The following SIN3A variants were observed in gnomAD, a reference collection of about 807,000 sequenced individuals.
SIN3A encodes SIN3 transcription regulator family member A.
SIN3A carries 14 observed loss-of-function variants against 146.1 expected under a neutral mutation model. The ratio of observed to expected loss-of-function variants is 0.10; its 90% confidence interval spans 0.06 to 0.15. The LOEUF (loss-of-function observed/expected upper bound fraction) is 0.15. Ranked by LOEUF, SIN3A falls within the 10% of genes least tolerant of loss-of-function variation. SIN3A has a pLI of 1.00. For missense variants in SIN3A, 1,028 were observed against 1,576.0 expected, an observed-to-expected ratio of 0.65 and a Z score of 5.89; for synonymous variants, 572 against 572.0, an observed-to-expected ratio of 1.00 and a Z score of 0.00.
chr15:75,393,059 G>A (rs1398547807), intron 14 of SIN3A, among the ~76,000 whole-genome samples: 4 of 152,086 alleles, frequency 2.6e-5, no homozygotes, highest in African/African-American at 7.2e-5. Flanking sequence ...GTGAAACCCC[G>A]CCTCTACTAA....
intron 1 of SIN3A, among the ~76,000 whole-genome samples, chr15:75,444,497 T>A (rs992337765): frequency 4.0e-5 from 6 of 151,760 alleles, no homozygotes; most frequent in African/African-American, 1.5e-4. Context: ...AGACCTCCAA[T>A]AAATAAAAGT....
At chr15:75,417,783 C>T (rs577650007) in intron 3 of SIN3A, among the ~76,000 whole-genome samples, 2 of 152,252 alleles carry the variant, frequency 1.3e-5, no homozygotes, top group African/African-American at 4.8e-5. Flanking sequence ...ATTCTTACAT[C>T]GAAACTTAAT....
intron 16 of SIN3A, chr15:75,388,185 A>C (rs1805745583): frequency 1.3e-5 from 2 of 152,216 alleles, no homozygotes; most frequent in South Asian, 2.1e-4. Context: ...GCTTTTTACA[A>C]GTTTTCACTT....
At chr15:75,407,169 T>C (rs758367964) in intron 8 of SIN3A, 25 bp from the exon 9 acceptor site, 1 of 1,500,142 alleles carries the variant, frequency 6.7e-7, no homozygotes, top group Non-Finnish European at 9.3e-7. Flanking sequence ...TACAAACATG[T>C]GAGATTCAAC....
At chr15:75,409,799 G>C (rs772792736) in intron 8 of SIN3A, 37 bp downstream of exon 8, 6 of 1,602,160 alleles carry the variant, frequency 3.7e-6, no homozygotes, top group African/African-American at 2.7e-5. Context: ...AGAAATACTT[G>C]TGAGTGTCAA....
chr15:75,444,276 A>G (rs1282831895), intron 1 of SIN3A, among the ~76,000 whole-genome samples: 1 of 152,072 alleles, frequency 6.6e-6, no homozygotes, highest in African/African-American at 2.4e-5. Context: ...CCCCATTTCT[A>G]CTAAAAATAC....
At chr15:75,379,782 A>C (rs1443281598) in intron 19 of SIN3A, among the ~76,000 whole-genome samples, 3 of 152,214 alleles carry the variant, frequency 2.0e-5, no homozygotes, top group Non-Finnish European at 4.4e-5. Context: ...TATACTTCTT[A>C]AACTGTTTTC....
At chr15:75,387,596 A>G (rs1207287408) in intron 16 of SIN3A, among the ~76,000 whole-genome samples, 1 of 150,104 alleles carries the variant, frequency 6.7e-6, no homozygotes, top group Admixed American at 6.7e-5. Flanking sequence ...GTGGGTGGAG[A>G]TAGTATTTAT....
chr15:75,410,772 G>A (rs1007259293), intron 6 of SIN3A, among the ~76,000 whole-genome samples: 2 of 151,912 alleles, frequency 1.3e-5, no homozygotes, highest in Non-Finnish European at 2.9e-5. Context: ...GACTGAGGCC[G>A]GGCACGGTGG....
At chr15:75,415,473 G>T in intron 3 of SIN3A, 1 of 201,148 alleles carries the variant, frequency 5.0e-6, no homozygotes. Flanking sequence ...TGCTAAAGGA[G>T]ATAGAGCCAA....
At chr15:75,453,053 GGA>G (rs1466606352), upstream of SIN3A, 2 of 152,388 alleles carry the variant, frequency 1.3e-5, no homozygotes, top group African/African-American at 2.4e-5. Flanking sequence ...CTCAGCGCCA[GGA>G]GAGGTGACGG....
chr15:75,442,704 TG>T (rs1426923931), intron 1 of SIN3A, among the ~76,000 whole-genome samples: 1 of 147,318 alleles, frequency 6.8e-6, no homozygotes, highest in African/African-American at 2.5e-5. Flanking sequence ...CCAAGGCAGG[TG>T]GATCACCTGA....
intron 14 of SIN3A, among the ~76,000 whole-genome samples, chr15:75,393,670 C>T (rs1567337208): frequency 6.6e-6 from 1 of 151,942 alleles, no homozygotes; most frequent in African/African-American, 2.4e-5. Context: ...CCACTGTGCC[C>T]AGTGGGACTA....
intron 12 of SIN3A, 136 bp downstream of exon 12, chr15:75,399,904 T>G: frequency 1.5e-6 from 1 of 645,644 alleles, no homozygotes; most frequent in Non-Finnish European, 2.8e-6. Context: ...GCATGGAAAG[T>G]ACCACAACAA....
At chr15:75,440,591 T>C (rs867131339) in intron 1 of SIN3A, among the ~76,000 whole-genome samples, 1 of 152,082 alleles carries the variant, frequency 6.6e-6, no homozygotes, top group African/African-American at 2.4e-5. Context: ...GATATAAATA[T>C]CCAAAATGTG....
At chr15:75,380,586 C>T (rs2072945645) in intron 19 of SIN3A, 43 bp downstream of exon 19, 1 of 1,384,682 alleles carries the variant, frequency 7.2e-7, no homozygotes. Context: ...ATTCCTCAAT[C>T]ATGCACAGTA....
chr15:75,436,199 G>C (rs2074105915), intron 1 of SIN3A: 1 of 151,320 alleles, frequency 6.6e-6, no homozygotes, highest in Non-Finnish European at 1.5e-5. Flanking sequence ...ACGCACAATG[G>C]CTCACAAAGT....
chr15:75,429,492 C>G (rs1018837089), intron 2 of SIN3A, among the ~76,000 whole-genome samples: 3 of 152,182 alleles, frequency 2.0e-5, no homozygotes, highest in Non-Finnish European at 4.4e-5. Context: ...AGTGCCTCAA[C>G]CCCCACACTG....
chr15:75,415,573 T>A (rs958503141), intron 3 of SIN3A: 3 of 181,512 alleles, frequency 1.7e-5, no homozygotes. Flanking sequence ...GGATGCAGGC[T>A]GGGCGCAGTG....
Sources: allele counts gnomAD v4.1 joint callset (sites outside exome capture counted in the v4.1 genomes callset), GRCh38; gene constraint gnomAD v4.1.1; transcripts MANE v1.5; gene names NCBI Gene and HGNC (gene_info 2026-07-23, HGNC 2026-07-21).